The following ATRNL1 variants were observed in gnomAD, a reference collection of about 807,000 sequenced individuals.
The protein encoded by ATRNL1 is attractin like 1.
ATRNL1 carries 95 observed loss-of-function variants against 182.7 expected under a neutral mutation model. The observed-to-expected ratio is 0.52, with a 90% CI of 0.44 to 0.62. The LOEUF is 0.62. ATRNL1 is among the 20% of genes least tolerant of loss of function. The probability of loss-of-function intolerance (pLI) is 0.00; values close to 1 mark genes in which losing one functional copy is unlikely to be tolerated. For missense variants in ATRNL1, 1,471 were observed against 1,679.5 expected (o/e 0.88, Z 2.17); for synonymous variants, 576 against 568.3 (o/e 1.01, Z -0.19).
At chr10:115,776,095 A>G (rs1021979558) in intron 27 of ATRNL1, among the ~76,000 whole-genome samples, 2 of 152,234 alleles carry the variant, frequency 1.3e-5, no homozygotes, top group African/African-American at 2.4e-5. Flanking sequence ...ATTAGTTTGT[A>G]ATCTAGGCAG....
intron 20 of ATRNL1, among the ~76,000 whole-genome samples, chr10:115,412,396 G>A (rs539340317): frequency 5.8e-4 from 88 of 152,308 alleles, no homozygotes; most frequent in African/African-American, 1.9e-3. Context: ...TGCAGCCAAC[G>A]TCTTGATTGC....
chr10:115,642,732 A>C (rs781810598), intron 26 of ATRNL1, among the ~76,000 whole-genome samples: 1 of 152,218 alleles, frequency 6.6e-6, no homozygotes, highest in Non-Finnish European at 1.5e-5. Context: ...GGCCTGAACC[A>C]CTGCGCCTGG....
chr10:115,157,044 T>C (rs1212248041), intron 5 of ATRNL1, among the ~76,000 whole-genome samples: 1 of 152,214 alleles, frequency 6.6e-6, no homozygotes. Flanking sequence ...TACAATAACA[T>C]AGTAGGGTGA....
intron 7 of ATRNL1, among the ~76,000 whole-genome samples, chr10:115,169,269 T>A (rs1554885021): frequency 6.6e-6 from 1 of 150,642 alleles, no homozygotes; most frequent in African/African-American, 2.4e-5. Context: ...TGCAGTAGTG[T>A]AATCTTGGCT....
chr10:115,236,011 T>G (rs1203816194), intron 9 of ATRNL1, among the ~76,000 whole-genome samples: 2 of 152,182 alleles, frequency 1.3e-5, no homozygotes, highest in Non-Finnish European at 2.9e-5. Context: ...TTTAATGTTT[T>G]GTAATCAATT....
intron 26 of ATRNL1, among the ~76,000 whole-genome samples, chr10:115,550,238 T>C (rs1852888888): frequency 6.6e-6 from 1 of 151,794 alleles, no homozygotes; most frequent in African/African-American, 2.4e-5. Context: ...CTAGTTTCTG[T>C]TTTTATCAGT....
intron 21 of ATRNL1, among the ~76,000 whole-genome samples, chr10:115,457,235 T>A (rs1443067517): frequency 1.3e-5 from 2 of 152,056 alleles, no homozygotes; most frequent in Admixed American, 1.3e-4. Context: ...TCTGTGAGGC[T>A]GAGTCTGGGG....
chr10:115,737,068 C>T (rs1346075827), intron 27 of ATRNL1, among the ~76,000 whole-genome samples: 1 of 152,024 alleles, frequency 6.6e-6, no homozygotes, highest in Admixed American at 6.6e-5. Flanking sequence ...TGCCTTGGAG[C>T]AGTTTTATCT....
At chr10:115,873,900 A>G (rs943653730) in intron 28 of ATRNL1, among the ~76,000 whole-genome samples, 1 of 152,230 alleles carries the variant, frequency 6.6e-6, no homozygotes, top group Non-Finnish European at 1.5e-5. Flanking sequence ...CAATAATTGC[A>G]TCGATCAGTT....
intron 28 of ATRNL1, among the ~76,000 whole-genome samples, chr10:115,855,566 T>C (rs1218561677): frequency 6.6e-6 from 1 of 152,208 alleles, no homozygotes; most frequent in Non-Finnish European, 1.5e-5. Flanking sequence ...AATTGATGAA[T>C]AAAATTATCT....
chr10:115,828,145 T>A (rs149311031), intron 27 of ATRNL1, among the ~76,000 whole-genome samples: 2 of 151,908 alleles, frequency 1.3e-5, no homozygotes, highest in Non-Finnish European at 2.9e-5. Flanking sequence ...TGGAGAAACC[T>A]TGTCTCTACT....
chr10:115,479,749 C>A (rs1292560151), intron 24 of ATRNL1, among the ~76,000 whole-genome samples: 2 of 151,190 alleles, frequency 1.3e-5, no homozygotes, highest in East Asian at 1.9e-4. Flanking sequence ...AGCACTTGTT[C>A]TTCATGATTT....
At chr10:115,102,434 G>GTGTA (rs879997096) in intron 1 of ATRNL1, among the ~76,000 whole-genome samples, 1 of 151,264 alleles carries the variant, frequency 6.6e-6, no homozygotes, top group African/African-American at 2.4e-5. Flanking sequence ...ATGTATATGT[G>GTGTA]TATATATATA....
At chr10:115,779,434 T>C (rs1426676592) in intron 27 of ATRNL1, among the ~76,000 whole-genome samples, 1 of 152,200 alleles carries the variant, frequency 6.6e-6, no homozygotes, top group East Asian at 1.9e-4. Flanking sequence ...ATATTTATAA[T>C]TGAGCATCTA....
intron 26 of ATRNL1, among the ~76,000 whole-genome samples, chr10:115,615,210 T>G (rs1857369873): frequency 6.6e-6 from 1 of 152,108 alleles, no homozygotes; most frequent in East Asian, 1.9e-4. Flanking sequence ...TTTTTTATGC[T>G]TTTTGAGTGT....
intron 9 of ATRNL1, among the ~76,000 whole-genome samples, chr10:115,241,365 G>T (rs1197902837): frequency 6.0e-5 from 9 of 151,224 alleles, no homozygotes; most frequent in African/African-American, 2.2e-4. Context: ...TCTCCTCAAA[G>T]CATTTTAAGA....
At chr10:115,599,990 C>T (rs1555015401) in intron 26 of ATRNL1, among the ~76,000 whole-genome samples, 1 of 152,090 alleles carries the variant, frequency 6.6e-6, no homozygotes, top group Admixed American at 6.5e-5. Context: ...TCCTCACTCC[C>T]ATCTCCACCC....
At chr10:115,565,746 G>T (rs1555001526) in intron 26 of ATRNL1, among the ~76,000 whole-genome samples, 1 of 151,910 alleles carries the variant, frequency 6.6e-6, no homozygotes, top group East Asian at 1.9e-4. Context: ...AACTTTAAAA[G>T]TCGTTATATA....
intron 27 of ATRNL1, among the ~76,000 whole-genome samples, chr10:115,786,048 T>C (rs553942908): frequency 1.3e-5 from 2 of 152,324 alleles, no homozygotes; most frequent in South Asian, 4.1e-4. Context: ...ACAATTTATA[T>C]ATTCTTTAAG....
Sources: allele counts gnomAD v4.1 joint callset (sites outside exome capture counted in the v4.1 genomes callset), GRCh38; gene constraint gnomAD v4.1.1; transcripts MANE v1.5; gene names NCBI Gene and HGNC (gene_info 2026-07-23, HGNC 2026-07-21).